Variants in GATA4 observed in about 807,000 individuals in gnomAD.
The protein encoded by GATA4 is transcription factor GATA-4.
Under a neutral mutation model 37.9 loss-of-function variants are expected in GATA4, and 7 were observed. The ratio of observed to expected loss-of-function variants is 0.18; its 90% CI spans 0.11 to 0.35. GATA4 has a LOEUF of 0.35. GATA4 is among the 10% of genes least tolerant of loss of function. The pLI is 1.00. For synonymous variants in GATA4, 372 were observed against 292.6 expected, an observed-to-expected ratio of 1.27 and a Z score of -2.77; for missense variants, 647 against 653.0, an observed-to-expected ratio of 0.99 and a Z score of 0.10.
chr8:11,699,219 C>G (rs1456016227), upstream of GATA4, among the ~76,000 whole-genome samples: 6 of 152,290 alleles, frequency 3.9e-5, no homozygotes, highest in Non-Finnish European at 2.9e-5. Context: ...TACTTTATAA[C>G]TTCAGGGGGC....
rs1044013481 is a variant in GATA4, at chr8:11,758,480, C to T, written c.*5C>T. The T allele has an allele frequency of 2.5e-6, 4 of 1,613,932 alleles. No individual in the cohort carries two copies. Among genetic ancestry groups the T allele is most frequent in the African/African-American group, 2.7e-5 (2 of 74,912 alleles). On this transcript the variant is annotated 3_prime_UTR_variant, in exon 7 of 7. Coordinates refer to ENST00000532059, the MANE Select transcript of GATA4 (RefSeq NM_001308093.3). ...GGGGACATAATCACTGCGTAATCTT[C>T]CCTCTTCCCTCCTCAAATTCCTGCA...
At chr8:11,757,625 C>A in intron 6 of GATA4, among the ~76,000 whole-genome samples, 1 of 152,320 alleles carries the variant, frequency 6.6e-6, no homozygotes. Flanking sequence ...AGAGGGCAGG[C>A]AGGGCAGGCT....
intron 2 of GATA4, among the ~76,000 whole-genome samples, chr8:11,732,065 C>T (rs560880544): frequency 1.1e-4 from 16 of 152,180 alleles, no homozygotes; most frequent in Middle Eastern, 3.4e-3. Flanking sequence ...TACAAGCAAC[C>T]GAGTTTTGAT....
Position 11,759,283 on chromosome 8 carries a change from G to A in GATA4, c.*808G>A, listed in dbSNP as rs191109800. ...CCCTCGAGTTCACTGCAGACCCTTC[G>A]TTCACCGTGTCACACATAGAGGGGT... On this transcript the variant is annotated 3_prime_UTR_variant, in exon 7 of 7. Transcript: ENST00000532059. The A allele has an allele frequency of 3.9e-5, 6 of 153,268 alleles. No homozygotes were observed. The highest frequency in any genetic ancestry group is 1.4e-4 in the African/African-American group (6 of 41,564). 9.5% of individuals were successfully genotyped at this position (153,268 alleles called of 1,614,324 possible).
Position 11,684,144 on chromosome 8 carries a change from G to A in GATA4, c.-274+7081G>A, listed in dbSNP as rs548132090. ...GGTGATGGAGATCCCTGAGCTGCTA[G>A]AAACTAAAGCCCCTGAAACCTGAAG... is the stretch of plus-strand genomic sequence containing the variant. On this transcript the variant is annotated intron_variant, in intron 1 of 6. Coordinates refer to the GATA4 transcript ENST00000528712. Among the ~76,000 whole-genome samples the A allele has an allele frequency of 2.5e-4, 38 of 152,334 alleles. 1 individual carries two copies. The South Asian group carries it at 6.6e-3, about 27-fold the overall frequency.
Position 11,757,090 on chromosome 8 carries a change from G to T in GATA4, c.1149+7G>T, listed in dbSNP as rs781457045. The T allele has an allele frequency of 1.7e-5, 28 of 1,613,246 alleles. No homozygotes were observed. The Admixed American group carries it at 4.5e-4, about 26-fold the overall frequency. ...CAGCAGCTCCGTGTCCCAGGTACGC[G>T]CCATGGCTGGGGCGCCAGGGCTGTT... is the stretch of plus-strand genomic sequence containing the variant. On this transcript the variant is annotated splice_region_variant and intron_variant, in intron 6 of 6. Transcript: ENST00000532059.
At chr8:11,717,365 A>G (rs747446782) in intron 2 of GATA4, among the ~76,000 whole-genome samples, 7 of 152,216 alleles carry the variant, frequency 4.6e-5, no homozygotes, top group Admixed American at 6.5e-5. Context: ...ATTGAACAGT[A>G]AGGTGGATCC....
At chr8:11,742,497 G>A (rs1801797144) in intron 2 of GATA4, among the ~76,000 whole-genome samples, 2 of 151,774 alleles carry the variant, frequency 1.3e-5, no homozygotes, top group Non-Finnish European at 1.5e-5. Context: ...GCCAGCTGAC[G>A]TCCTGGGTTC....
intron 2 of GATA4, among the ~76,000 whole-genome samples, chr8:11,710,458 G>T (rs1253727810): frequency 6.6e-6 from 1 of 151,606 alleles, no homozygotes; most frequent in African/African-American, 2.4e-5. Context: ...TTAAAATAGG[G>T]AGGACTGGGC....
At chr8:11,717,195 A>G (rs527408757) in intron 2 of GATA4, among the ~76,000 whole-genome samples, 1 of 152,352 alleles carries the variant, frequency 6.6e-6, no homozygotes, top group Admixed American at 6.5e-5. Flanking sequence ...GTTACCTTCT[A>G]AAGAAGGCAG....
intron 1 of GATA4, among the ~76,000 whole-genome samples, chr8:11,706,744 A>G (rs1799905119): frequency 6.6e-6 from 1 of 152,146 alleles, no homozygotes; most frequent in Admixed American, 6.6e-5. Flanking sequence ...CTGGAGCCCT[A>G]CTGATCCCAT....
intron 1 of GATA4, chr8:11,683,248 G>C: frequency 1.7e-6 from 1 of 578,984 alleles, no homozygotes; most frequent in Non-Finnish European, 2.2e-6. Context: ...GACGGGGCTG[G>C]CGTGCTCCAC....
At chr8:11,697,876 C>T (rs1292948074) in intron 1 of GATA4, 1 of 985,332 alleles carries the variant, frequency 1.0e-6, no homozygotes, top group African/African-American at 1.7e-5. Context: ...GGAAACGGGC[C>T]GAGCTGGCTC....
Position 11,708,227 on chromosome 8 carries a change from G to T in GATA4, c.-86G>T. The T allele has an allele frequency of 6.9e-7, 1 of 1,446,666 alleles. No homozygotes were observed. The highest frequency in any genetic ancestry group is 9.4e-7 in the Non-Finnish European group (1 of 1,066,810). 89.6% of individuals were successfully genotyped at this position (1,446,666 alleles called of 1,614,324 possible). A position where few individuals can be genotyped will look rare whatever the true frequency, so the allele number is the denominator to read the frequency against. ...GACAGTTCCTCCCACGCATATTATC[G>T]TTGTTGCCGTCGTTTTCTCTCCCCG... On this transcript the variant is annotated 5_prime_UTR_variant, in exon 2 of 7. Transcript: ENST00000532059. This position sits in a 1 kb window ranked among gnomAD's most constrained non-coding sequence, Gnocchi z 6.7.
At chr8:11,714,894 T>G (rs867029150) in intron 2 of GATA4, among the ~76,000 whole-genome samples, 5 of 152,300 alleles carry the variant, frequency 3.3e-5, no homozygotes, top group South Asian at 2.1e-4. Flanking sequence ...ATGGAGAGTC[T>G]TAGGTGTAGT....
At chr8:11,742,333 C>T (rs990404104) in intron 2 of GATA4, among the ~76,000 whole-genome samples, 4 of 151,836 alleles carry the variant, frequency 2.6e-5, no homozygotes, top group Non-Finnish European at 2.9e-5. Flanking sequence ...ACCTCTTCCT[C>T]CTCTATCTCT....
chr8:11,727,788 C>T (rs1456776488), intron 2 of GATA4, among the ~76,000 whole-genome samples: 1 of 151,376 alleles, frequency 6.6e-6, no homozygotes, highest in Non-Finnish European at 1.5e-5. Context: ...CTGCGGTGAG[C>T]CGTGATCTAG....
At chr8:11,692,108 A>G (rs1432510525), upstream of GATA4, 1 of 936,060 alleles carries the variant, frequency 1.1e-6, no homozygotes, top group East Asian at 1.2e-4. Context: ...TGAGGCAGGC[A>G]GGAGCTCGGG....
At chr8:11,685,344 G>A (rs1799102958) in intron 1 of GATA4, among the ~76,000 whole-genome samples, 1 of 152,188 alleles carries the variant, frequency 6.6e-6, no homozygotes, top group Non-Finnish European at 1.5e-5. Context: ...GGATTTGGTT[G>A]TCCCCGTTAT....
Sources: gnomAD v4.1 joint callset for allele counts (sites outside exome capture counted in the v4.1 genomes callset) on GRCh38, gnomAD v4.1.1 for gene constraint, Gnocchi (gnomAD v3.1) non-coding constraint, MANE v1.5 for transcripts, NCBI Gene and HGNC (gene_info 2026-07-23, HGNC 2026-07-21) for gene names.